MON1B: variants seen among roughly 807,000 people sequenced by gnomAD.
The protein encoded by MON1B is vacuolar fusion protein MON1 homolog B.
In MON1B, 26 loss-of-function variants were observed where a neutral mutation model predicts 45.1. The observed-to-expected ratio is 0.58, with a 90% CI of 0.42 to 0.80. MON1B has a LOEUF of 0.80. MON1B is among the 30% of genes least tolerant of loss of function. The pLI, the probability that MON1B is intolerant of heterozygous loss-of-function variation, is 0.00. For synonymous variants in MON1B, 395 were observed against 320.2 expected, an observed-to-expected ratio of 1.23 and a Z score of -2.49; for missense variants, 737 against 754.5, an observed-to-expected ratio of 0.98 and a Z score of 0.27.
Position 77,191,641 on chromosome 16 carries a change from T to C in MON1B, c.148+8T>C. ...AGGGCCTGGAGGAAACAGGTATGAC[T>C]CCACTTAGTGGGGTCTTAAAAGGAA... On this transcript the variant is annotated splice_region_variant and intron_variant, in intron 2 of 5. Coordinates refer to ENST00000248248, the MANE Select transcript of MON1B (RefSeq NM_014940.4). 6.2e-7 allele frequency: 1 copy of C among 1,609,200 alleles called. No individual in the cohort carries two copies. The highest frequency in any genetic ancestry group is 8.5e-7 in the Non-Finnish European group (1 of 1,178,164).
Position 77,195,519 on chromosome 16 carries a change from C to G in MON1B, c.1296-16C>G, listed in dbSNP as rs1453231849. ...CCTGGACTAACCTTGTCCTCCACCT[C>G]CCTCCATCATGGCAGCCCTGAGCTA... On this transcript the variant is annotated splice_polypyrimidine_tract_variant and intron_variant, in intron 4 of 5. Coordinates refer to ENST00000248248, the MANE Select transcript of MON1B (RefSeq NM_014940.4). The G allele has an allele frequency of 1.9e-6, 3 of 1,606,958 alleles. No individual in the cohort carries two copies. In the East Asian group the frequency reaches 6.7e-5, roughly 36 times the overall value.
At chr16:77,192,427 A>G (rs1216168558) in intron 2 of MON1B, among the ~76,000 whole-genome samples, 36 of 152,238 alleles carry the variant, frequency 2.4e-4, no homozygotes, top group Admixed American at 2.4e-3. Context: ...CACATGGATA[A>G]TAATGGTTGT....
At position 77,199,406 on chromosome 16, in the gene MON1B, T is replaced by A. The variant is rs1567422218; in HGVS notation, c.*1098T>A. ...TTTCACCCTCACGTGGTTTCTTTTTTAACCAGTCATCAAGCGAGGCTCGCG... is the reference window on the plus strand; with the variant it reads ...TTTCACCCTCACGTGGTTTCTTTTTAAACCAGTCATCAAGCGAGGCTCGCG... On this transcript the variant is annotated 3_prime_UTR_variant, in exon 6 of 6. Coordinates refer to ENST00000248248, the MANE Select transcript of MON1B (RefSeq NM_014940.4). The A allele has an allele frequency of 6.5e-7, 1 of 1,544,334 alleles. No homozygotes were observed. The highest frequency in any genetic ancestry group is 8.8e-7 in the Non-Finnish European group (1 of 1,141,824).
Position 77,198,508 on chromosome 16 carries a change from T to C in MON1B, c.*200T>C. On this transcript the variant is annotated 3_prime_UTR_variant, in exon 6 of 6. Coordinates refer to ENST00000248248, the MANE Select transcript of MON1B (RefSeq NM_014940.4). ...GCAGGCTGCTTTCCCTGCCCAGTCA[T>C]GCACCTCCCCCTCTGGGGAAATCCT... 4.9e-6 allele frequency: 3 copies of C among 612,976 alleles called. No homozygotes were observed. Among genetic ancestry groups the C allele is most frequent in the Admixed American group, 2.9e-5 (1 of 34,154 alleles). 38.0% of individuals were successfully genotyped at this position (612,976 alleles called of 1,614,324 possible).
intron 2 of MON1B, among the ~76,000 whole-genome samples, chr16:77,191,926 A>T (rs1210110905): frequency 2.6e-5 from 4 of 152,182 alleles, no homozygotes; most frequent in Non-Finnish European, 5.9e-5. Flanking sequence ...TAGAGTGTTT[A>T]GATCAAAGAA....
At position 77,199,735 on chromosome 16, in the gene MON1B, G is replaced by A. The variant is rs370319057; in HGVS notation, c.*1427G>A. 1 of 472,396 alleles carries A rather than the reference G, an allele frequency of 2.1e-6. No homozygotes were observed. Among genetic ancestry groups the A allele is most frequent in the East Asian group, 3.4e-5 (1 of 29,396 alleles). The allele number at this position is 472,396 out of a possible 1,614,324, so 29.3% of individuals were successfully genotyped here. A position where few individuals can be genotyped will look rare whatever the true frequency, so the allele number is the denominator to read the frequency against. ...GAGATTAACTTTTGTCAACTGTAGT[G>A]TATACGTTGTTGAAAGTAAACAACA... On this transcript the variant is annotated 3_prime_UTR_variant, in exon 6 of 6. Coordinates refer to ENST00000248248, the MANE Select transcript of MON1B (RefSeq NM_014940.4).
rs1333107439 is a variant in MON1B, at chr16:77,200,272, G to GTATATATATATATA, written c.*1965_*1966insATATATATATATAT. On this transcript the variant is annotated 3_prime_UTR_variant, in exon 6 of 6. Coordinates refer to ENST00000248248, the MANE Select transcript of MON1B (RefSeq NM_014940.4). ...TGTATATGTGTATATATATATATAT[G>GTATATATATATATA]TGTATATATATATATATATACACAC... 1.3e-4 allele frequency: 11 copies of GTATATATATATATA among 84,650 alleles called. No individual in the cohort carries two copies. The highest frequency in any genetic ancestry group is 1.6e-4 in the African/African-American group (3 of 18,206). The allele number at this position is 84,650 out of a possible 1,614,324, so 5.2% of individuals were successfully genotyped here.
In MON1B at chr16:77,194,591, C is replaced by T; in HGVS notation, c.732C>T (p.Leu244=). ...DSMEQDPGAL[L]LGAVRCVPLA... ...TGGAGCAGGACCCAGGAGCCCTGCTCCTGGGTGCCGTGCGCTGTGTGCCCC... is the reference window on the plus strand; with the variant it reads ...TGGAGCAGGACCCAGGAGCCCTGCTTCTGGGTGCCGTGCGCTGTGTGCCCC... The change falls in exon 4 of 6, where the codon CTC becomes CTT. Residue 244 remains leucine (L), a synonymous_variant. Coordinates refer to ENST00000248248, the MANE Select transcript of MON1B (RefSeq NM_014940.4). The surrounding 1 kb of genome is among the most constrained non-coding windows in gnomAD (Gnocchi z 8.1). The T allele has an allele frequency of 3.1e-6, 5 of 1,613,922 alleles. No individual in the cohort carries two copies. Among genetic ancestry groups the T allele is most frequent in the Non-Finnish European group, 4.2e-6 (5 of 1,179,922 alleles).
chr16:77,191,218 A>T lies in MON1B; in HGVS notation c.-51A>T, dbSNP rs2054611453. The T allele has an allele frequency of 1.3e-6, 2 of 1,536,236 alleles. No individual in the cohort carries two copies. Among genetic ancestry groups the T allele is most frequent in the Non-Finnish European group, 1.7e-6 (2 of 1,146,912 alleles). ...TGTGATGCCACCGCCGCTACGGGGAAGTAATGGTATCCGGCCAATTGAGAT... is the reference window on the plus strand; with the variant it reads ...TGTGATGCCACCGCCGCTACGGGGATGTAATGGTATCCGGCCAATTGAGAT... On this transcript the variant is annotated 5_prime_UTR_variant, in exon 1 of 6. In the 5' UTR this introduces an upstream ATG that the reference lacks. Coordinates refer to ENST00000248248, the MANE Select transcript of MON1B (RefSeq NM_014940.4).
In MON1B at chr16:77,198,929, A is replaced by G. The variant is rs1597379018; in HGVS notation, c.*621A>G. 1 of 161,100 alleles carries G rather than the reference A, an allele frequency of 6.2e-6. No homozygotes were observed. The highest frequency in any genetic ancestry group is 1.4e-5 in the Non-Finnish European group (1 of 72,870). The allele number at this position is 161,100 out of a possible 1,614,324, so 10.0% of individuals were successfully genotyped here. A position where few individuals can be genotyped will look rare whatever the true frequency, so the allele number is the denominator to read the frequency against. On this transcript the variant is annotated 3_prime_UTR_variant, in exon 6 of 6. Coordinates refer to ENST00000248248, the MANE Select transcript of MON1B (RefSeq NM_014940.4). ...AGTGTCCACCTGTGGAACCCAGGAC[A>G]CAGCACCTGACTGCACACAGTGGCT...
rs1305098974 is a variant in MON1B at position 77,201,810 on chromosome 16, T to G, written c.*3502T>G. 6.6e-6 allele frequency: 1 copy of G among 152,172 alleles called. No individual in the cohort carries two copies. The highest frequency in any genetic ancestry group is 1.5e-5 in the Non-Finnish European group (1 of 68,036). The allele number at this position is 152,172 out of a possible 1,614,324, so 9.4% of individuals were successfully genotyped here. A position where few individuals can be genotyped will look rare whatever the true frequency, so the allele number is the denominator to read the frequency against. ...ATTAAATTATAAGTTCTAATTTAAA[T>G]GTATTAAAATTAAATTATAAGTTGA... On this transcript the variant is annotated 3_prime_UTR_variant, in exon 6 of 6. Transcript: ENST00000248248.
chr16:77,194,663 C>G lies in MON1B; in HGVS notation c.804C>G (p.Cys268Trp), dbSNP rs949514470. The change falls in exon 4 of 6, where the codon TGC becomes TGG. Residue 268 changes from cysteine to tryptophan, a missense_variant. Physicochemically the swap from Cys to Trp is radical, Grantham distance 215. Transcript: ENST00000248248. The surrounding 1 kb of genome is among the most constrained non-coding windows in gnomAD (Gnocchi z 8.1). ...RDALGALLRR[C>W]TAPGLALSVL... is the part of the protein sequence containing the mutation. The stretch of plus-strand genomic sequence containing the variant: ...CACTAGGTGCGCTCCTCCGACGTTG[C>G]ACAGCGCCTGGCCTGGCGCTGTCAG... The G allele has an allele frequency of 2.5e-6, 4 of 1,613,762 alleles. No homozygotes were observed. Among genetic ancestry groups the G allele is most frequent in the African/African-American group, 1.3e-5 (1 of 74,926 alleles).
rs1436011789 is a variant in MON1B, at chr16:77,193,416, C to G, written c.149-35C>G. 1 of 1,519,602 alleles carries G rather than the reference C, an allele frequency of 6.6e-7. No individual in the cohort carries two copies. Among genetic ancestry groups the G allele is most frequent in the Non-Finnish European group, 8.8e-7 (1 of 1,131,136 alleles). 94.1% of individuals were successfully genotyped at this position (1,519,602 alleles called of 1,614,324 possible). The stretch of plus-strand genomic sequence containing the variant: ...GGGGATGTGGGATTAGTTAGGAGTT[C>G]ACATGCAGATGACCCACCAGGGGCT... On this transcript the variant is annotated intron_variant, in intron 2 of 5. Transcript: ENST00000248248. The surrounding 1 kb of genome is among the most constrained non-coding windows in gnomAD (Gnocchi z 5.0).
rs1254014728 is a variant in MON1B, at chr16:77,200,274, G to GTGTATATATATATA, written c.*1967_*1968insGTATATATATATAT. On this transcript the variant is annotated 3_prime_UTR_variant, in exon 6 of 6. Transcript: ENST00000248248. The stretch of plus-strand genomic sequence containing the variant: ...TATATGTGTATATATATATATATGT[G>GTGTATATATATATA]TATATATATATATATATACACACAC... 1 of 113,582 alleles carries GTGTATATATATATA rather than the reference G, an allele frequency of 8.8e-6. No homozygotes were observed. The highest frequency in any genetic ancestry group is 3.5e-5 in the African/African-American group (1 of 28,582). 7.0% of individuals were successfully genotyped at this position (113,582 alleles called of 1,614,324 possible). A position where few individuals can be genotyped will look rare whatever the true frequency, so the allele number is the denominator to read the frequency against.
rs2054640303 is a variant in MON1B at position 77,194,187 on chromosome 16, C to A, written c.476-148C>A. 1 of 763,282 alleles carries A rather than the reference C, an allele frequency of 1.3e-6. No homozygotes were observed. Among genetic ancestry groups the A allele is most frequent in the Non-Finnish European group, 2.3e-6 (1 of 434,546 alleles). The allele number at this position is 763,282 out of a possible 1,614,324, so 47.3% of individuals were successfully genotyped here. On this transcript the variant is annotated intron_variant, in intron 3 of 5. Coordinates refer to ENST00000248248, the MANE Select transcript of MON1B (RefSeq NM_014940.4). This position sits in a 1 kb window ranked among gnomAD's most constrained non-coding sequence, Gnocchi z 8.1. The stretch of plus-strand genomic sequence containing the variant: ...AAATGTCCAGATTCCTCCAGCTTGT[C>A]CTTACCCCAGTCCAGGTGCCCACAG...
chr16:77,195,593 T>C lies in MON1B; in HGVS notation c.1354T>C (p.Tyr452His). Residue 452 changes from tyrosine (Y) to histidine (H), a missense_variant, in exon 5 of 6, where the codon TAC (tyrosine) becomes CAC (histidine). Tyr to His is a moderately conservative substitution (Grantham distance 83). Transcript: ENST00000248248. The part of the protein sequence containing the change: ...EEERQRLSDL[Y>H]HRLHARLHST... ...GGAGCGGCAGCGGCTGTCGGACCTG[T>C]ACCACCGCCTGCATGCTCGTCTCCA... 6.2e-7 allele frequency: 1 copy of C among 1,614,052 alleles called. No homozygotes were observed. Among genetic ancestry groups the C allele is most frequent in the South Asian group, 1.1e-5 (1 of 91,078 alleles).
chr16:77,191,411 ACT>A lies in MON1B; in HGVS notation c.-10-62_-10-61del, dbSNP rs1426482142. 5.1e-6 allele frequency: 8 copies of A among 1,579,204 alleles called. No homozygotes were observed. The African/African-American group carries it at 9.5e-5, about 19-fold the overall frequency. On this transcript the variant is annotated intron_variant, in intron 1 of 5. Coordinates refer to ENST00000248248, the MANE Select transcript of MON1B (RefSeq NM_014940.4). Reference sequence around the variant, plus strand: ...GTAGGAGTGTGTCCAAGGGGGCCTGACTCTATAAAGGCTTTTCAGAAGTTTCT... The same window carrying A: ...GTAGGAGTGTGTCCAAGGGGGCCTGACTATAAAGGCTTTTCAGAAGTTTCT...
chr16:77,194,668 C>A lies in MON1B; in HGVS notation c.809C>A (p.Ala270Glu). The A allele has an allele frequency of 1.2e-6, 2 of 1,613,880 alleles. No individual in the cohort carries two copies. The highest frequency in any genetic ancestry group is 1.7e-6 in the Non-Finnish European group (2 of 1,179,886). The change falls in exon 4 of 6, where the codon GCG becomes GAG. Residue 270 changes from alanine (A) to glutamate (E), a missense_variant. Ala to Glu is a moderately radical substitution (Grantham distance 107). Coordinates refer to ENST00000248248, the MANE Select transcript of MON1B (RefSeq NM_014940.4). The surrounding 1 kb of genome is among the most constrained non-coding windows in gnomAD (Gnocchi z 8.1). ...ALGALLRRCT[A>E]PGLALSVLAV... ...GGTGCGCTCCTCCGACGTTGCACAG[C>A]GCCTGGCCTGGCGCTGTCAGTGCTG...
In MON1B at chr16:77,194,962, G is replaced by A. The variant is rs774663048; in HGVS notation, c.1103G>A (p.Arg368His). ...EAFHAMAACR[R>H]LVEDGMHALG... The stretch of plus-strand genomic sequence containing the variant: ...TTCCATGCCATGGCCGCCTGCCGGC[G>A]CCTGGTTGAAGATGGGATGCATGCC... The change falls in exon 4 of 6, where the codon CGC (arginine) becomes CAC (histidine). Residue 368 changes from arginine to histidine, a missense_variant. Arg to His is a conservative substitution (Grantham distance 29). Transcript: ENST00000248248. The surrounding 1 kb of genome is among the most constrained non-coding windows in gnomAD (Gnocchi z 8.1). The A allele has an allele frequency of 3.3e-5, 54 of 1,613,726 alleles. No individual in the cohort carries two copies. Among genetic ancestry groups the A allele is most frequent in the Non-Finnish European group, 4.3e-5 (51 of 1,180,012 alleles).
Sources: allele counts gnomAD v4.1 joint callset (sites outside exome capture counted in the v4.1 genomes callset), GRCh38; gene constraint gnomAD v4.1.1; non-coding constraint Gnocchi (gnomAD v3.1); transcripts MANE v1.5; gene names NCBI Gene and HGNC (gene_info 2026-07-23, HGNC 2026-07-21).